The following PABPC4L variants were observed in gnomAD, a reference collection of about 807,000 sequenced individuals.
The protein encoded by PABPC4L is poly(A) binding protein cytoplasmic 4 like.
For missense variants in PABPC4L, 452 were observed against 451.4 expected, an observed-to-expected ratio of 1.00 and a Z score of -0.01; for synonymous variants, 169 against 164.1, an observed-to-expected ratio of 1.03 and a Z score of -0.23.
the PABPC4L span, among the ~76,000 whole-genome samples, chr4:134,039,554 T>A: frequency 6.6e-6 from 1 of 152,176 alleles, no homozygotes; most frequent in African/African-American, 2.4e-5. Context: ...CTTGTTGCAT[T>A]GATTCCTTTA....
At chr4:133,960,912 C>G in the PABPC4L span, among the ~76,000 whole-genome samples, 1 of 152,098 alleles carries the variant, frequency 6.6e-6, no homozygotes, top group Non-Finnish European at 1.5e-5. Context: ...CAGTAAGATC[C>G]GCCCAAGGAG....
At chr4:134,040,231 A>T in the PABPC4L span, among the ~76,000 whole-genome samples, 1 of 151,874 alleles carries the variant, frequency 6.6e-6, no homozygotes, top group Admixed American at 6.6e-5. Context: ...AACTACTTTA[A>T]AGTTCATATG....
chr4:134,175,792 C>T, the PABPC4L span, among the ~76,000 whole-genome samples: 1 of 151,990 alleles, frequency 6.6e-6, no homozygotes, highest in African/African-American at 2.4e-5. Flanking sequence ...AATGGATTTC[C>T]TTAAACAATT....
chr4:134,132,702 C>T, the PABPC4L span, among the ~76,000 whole-genome samples: 2 of 151,608 alleles, frequency 1.3e-5, no homozygotes, highest in Admixed American at 1.3e-4. Context: ...AGCAATCCCA[C>T]TACTGGTTAT....
At chr4:134,029,776 A>G in the PABPC4L span, among the ~76,000 whole-genome samples, 10 of 151,708 alleles carry the variant, frequency 6.6e-5, no homozygotes, top group Admixed American at 2.0e-4. Flanking sequence ...TTAATTTTGA[A>G]ATACAAATAA....
the PABPC4L span, among the ~76,000 whole-genome samples, chr4:134,099,776 G>GA: frequency 1.3e-5 from 2 of 151,382 alleles, no homozygotes; most frequent in Non-Finnish European, 1.5e-5. Context: ...TCAGGGAGGG[G>GA]AAAAAAAGAT....
chr4:134,173,741 T>A, the PABPC4L span, among the ~76,000 whole-genome samples: 1 of 152,106 alleles, frequency 6.6e-6, no homozygotes, highest in Non-Finnish European at 1.5e-5. Flanking sequence ...AAATGATAAG[T>A]GCTTGAGGTG....
the PABPC4L span, among the ~76,000 whole-genome samples, chr4:134,001,331 G>A: frequency 6.6e-6 from 1 of 151,744 alleles, no homozygotes; most frequent in African/African-American, 2.4e-5. Flanking sequence ...TGGTAGCTAG[G>A]AAGTCATATT....
At position 134,200,177 on chromosome 4, in the gene PABPC4L, C is replaced by A; in HGVS notation, c.843G>T (p.Gln281His). 6.4e-7 allele frequency: 1 copy of A among 1,551,638 alleles called. No individual in the cohort carries two copies. The highest frequency in any genetic ancestry group is 8.7e-7 in the Non-Finnish European group (1 of 1,146,956). ...RQAELKQMFE[Q>H]LKRERIRGCQ... is the part of the protein sequence containing the mutation. ...ACCCACGAATTCGTTCCCTTTTCAGCTGCTCAAACATTTGCTTTAACTCAG... is the reference window on the plus strand; with the variant it reads ...ACCCACGAATTCGTTCCCTTTTCAGATGCTCAAACATTTGCTTTAACTCAG... The change falls in exon 2 of 2, where the codon CAG becomes CAT. Residue 281 changes from glutamine (Q) to histidine (H), a missense_variant. Coordinates refer to ENST00000421491, the MANE Select transcript of PABPC4L (RefSeq NM_001114734.2).
At chr4:134,041,144 A>G in the PABPC4L span, among the ~76,000 whole-genome samples, 1 of 152,192 alleles carries the variant, frequency 6.6e-6, no homozygotes, top group Admixed American at 6.5e-5. Flanking sequence ...AATTAGGTCA[A>G]TCATTGTGGA....
the PABPC4L span, among the ~76,000 whole-genome samples, chr4:134,018,119 G>A: frequency 6.6e-6 from 1 of 151,880 alleles, no homozygotes; most frequent in African/African-American, 2.4e-5. Context: ...TGATGACATT[G>A]TCTCATGAAA....
At chr4:133,974,191 CA>C in the PABPC4L span, among the ~76,000 whole-genome samples, 22,743 of 151,756 alleles carry the variant, frequency 0.15, 2,117 homozygotes, top group African/African-American at 0.25. Flanking sequence ...ATTGAATGTC[CA>C]AAAAAACCCC....
At chr4:133,968,338 C>G in the PABPC4L span, among the ~76,000 whole-genome samples, 1 of 152,164 alleles carries the variant, frequency 6.6e-6, no homozygotes, top group African/African-American at 2.4e-5. Context: ...AAAAAACATC[C>G]TCCTCACATC....
At chr4:134,008,943 T>C in the PABPC4L span, among the ~76,000 whole-genome samples, 2 of 151,764 alleles carry the variant, frequency 1.3e-5, no homozygotes, top group Non-Finnish European at 1.5e-5. Context: ...TACTTAGAAG[T>C]TGTGCTGCTA....
At chr4:133,961,778 A>C in the PABPC4L span, among the ~76,000 whole-genome samples, 1 of 152,164 alleles carries the variant, frequency 6.6e-6, no homozygotes, top group Non-Finnish European at 1.5e-5. Context: ...CAGATACGGC[A>C]GGGTGTCCGC....
the PABPC4L span, among the ~76,000 whole-genome samples, chr4:134,061,872 G>C: frequency 1.3e-5 from 2 of 148,580 alleles, no homozygotes; most frequent in South Asian, 2.1e-4. Flanking sequence ...AAAGAAAGAA[G>C]GAAAAAGGTG....
the PABPC4L span, among the ~76,000 whole-genome samples, chr4:134,142,128 A>T: frequency 6.6e-6 from 1 of 151,768 alleles, no homozygotes; most frequent in African/African-American, 2.4e-5. Context: ...AAGCTCTCAG[A>T]AATATCAATT....
chr4:133,974,960 T>C, the PABPC4L span, among the ~76,000 whole-genome samples: 5 of 152,120 alleles, frequency 3.3e-5, no homozygotes, highest in Non-Finnish European at 7.4e-5. Context: ...AAAGTTAACA[T>C]AGACTTATCA....
chr4:134,149,891 G>A, the PABPC4L span, among the ~76,000 whole-genome samples: 3,410 of 152,036 alleles, frequency 0.022, 129 homozygotes, highest in African/African-American at 0.078. Flanking sequence ...CAATACTTAG[G>A]GCTAAAGTTT....
Sources: gnomAD v4.1 joint callset for allele counts (sites outside exome capture counted in the v4.1 genomes callset) on GRCh38, gnomAD v4.1.1 for gene constraint, MANE v1.5 for transcripts, NCBI Gene and HGNC (gene_info 2026-07-23, HGNC 2026-07-21) for gene names.